SIK2: variants seen among roughly 807,000 people sequenced by gnomAD.
SIK2 encodes salt inducible kinase 2, also known as serine/threonine-protein kinase SIK2.
SIK2 carries 29 observed loss-of-function variants against 103.2 expected under a neutral mutation model. The observed-to-expected ratio is 0.28, with a 90% CI of 0.21 to 0.38. SIK2 has a LOEUF of 0.38. Ranked by LOEUF, SIK2 falls within the 10% of genes least tolerant of loss-of-function variation. The pLI, the probability that SIK2 is intolerant of heterozygous loss-of-function variation, is 1.00. For synonymous variants in SIK2, 412 were observed against 446.1 expected, an observed-to-expected ratio of 0.92 and a Z score of 0.96; for missense variants, 879 against 1,171.0, an observed-to-expected ratio of 0.75 and a Z score of 3.64.
At chr11:111,604,863 T>C (rs1941628223) in intron 1 of SIK2, among the ~76,000 whole-genome samples, 2 of 152,068 alleles carry the variant, frequency 1.3e-5, no homozygotes, top group African/African-American at 4.8e-5. Context: ...TGGGTGTGAT[T>C]GGAGATATTA....
intron 3 of SIK2, among the ~76,000 whole-genome samples, chr11:111,664,589 G>A (rs4459340): frequency 0.61 from 93,172 of 151,986 alleles, 31,482 homozygotes; most frequent in East Asian, 0.96. Flanking sequence ...GCACTGCAGC[G>A]TGGGCGACAG....
Position 111,719,090 on chromosome 11 carries a change from T to C in SIK2, c.1267-685T>C, listed in dbSNP as rs549709783. On this transcript the variant is annotated intron_variant, in intron 9 of 14. Coordinates refer to ENST00000304987, the MANE Select transcript of SIK2 (RefSeq NM_015191.3). ...ACAAAATTCAGTGCACTGGGGCTTA[T>C]TAGCCTCTGCTGGAATTTTGGGCCA... Among the ~76,000 whole-genome samples the C allele has an allele frequency of 2.0e-5, 3 of 152,234 alleles. No individual in the cohort carries two copies. The South Asian group carries it at 6.2e-4, about 32-fold the overall frequency.
chr11:111,726,520 T>C lies in SIK2; in HGVS notation c.*2391T>C. ...CCTGTGTTGTAAGCTCCTATTTGCT[T>C]ATCTTGTTTATTTCAAGCAGAAATC... is the stretch of plus-strand genomic sequence containing the variant. On this transcript the variant is annotated 3_prime_UTR_variant, in exon 15 of 15. Coordinates refer to ENST00000304987, the MANE Select transcript of SIK2 (RefSeq NM_015191.3). The C allele has an allele frequency of 6.3e-6, 1 of 158,602 alleles. No homozygotes were observed. The highest frequency in any genetic ancestry group is 1.4e-5 in the Non-Finnish European group (1 of 71,330). 9.8% of individuals were successfully genotyped at this position (158,602 alleles called of 1,614,324 possible).
Position 111,719,881 on chromosome 11 carries a change from CAGA to C in SIK2, c.1376_1378del (p.Glu459del), listed in dbSNP as rs763988704. ...ACCTCCATTGACGAAGGGCTGGAGA[CAGA>C]AGGAGAGGCCGAGGAAGACCCCGCT... On this transcript the variant is annotated inframe_deletion, in exon 10 of 15. Transcript: ENST00000304987. The C allele has an allele frequency of 1.1e-5, 17 of 1,613,992 alleles. No individual in the cohort carries two copies. Among genetic ancestry groups the C allele is most frequent in the African/African-American group, 2.7e-5 (2 of 74,882 alleles).
At chr11:111,619,454 C>T (rs1009050313) in intron 2 of SIK2, among the ~76,000 whole-genome samples, 1 of 152,046 alleles carries the variant, frequency 6.6e-6, no homozygotes, top group Non-Finnish European at 1.5e-5. Flanking sequence ...AGCAGCTCTC[C>T]CACCTCAGCC....
At chr11:111,671,810 TC>T in intron 3 of SIK2, 1 of 406,598 alleles carries the variant, frequency 2.5e-6, no homozygotes, top group East Asian at 6.5e-5. Flanking sequence ...GAAGACAAAT[TC>T]GTTTTCCTTC....
intron 3 of SIK2, among the ~76,000 whole-genome samples, chr11:111,641,164 A>G (rs1310706694): frequency 1.3e-5 from 2 of 152,046 alleles, no homozygotes; most frequent in Non-Finnish European, 2.9e-5. Context: ...TTTTAAGACC[A>G]TTGTCTATCT....
intron 3 of SIK2, among the ~76,000 whole-genome samples, chr11:111,639,680 C>G (rs549704249): frequency 3.9e-5 from 6 of 152,268 alleles, no homozygotes; most frequent in African/African-American, 1.4e-4. Context: ...CAAGAGTCTG[C>G]CCATCCTTTG....
At chr11:111,694,921 G>A (rs1943034624) in intron 4 of SIK2, among the ~76,000 whole-genome samples, 1 of 152,162 alleles carries the variant, frequency 6.6e-6, no homozygotes, top group East Asian at 1.9e-4. Flanking sequence ...TGGTCAGCAG[G>A]ATCACATTTC....
chr11:111,637,660 C>T (rs1365862692), intron 3 of SIK2, among the ~76,000 whole-genome samples: 1 of 151,938 alleles, frequency 6.6e-6, no homozygotes, highest in Non-Finnish European at 1.5e-5. Flanking sequence ...CAGGGCTTCA[C>T]CATGTTGACC....
At position 111,717,360 on chromosome 11, in the gene SIK2, C is replaced by A. The variant is rs531068285; in HGVS notation, c.1267-2415C>A. Among the ~76,000 whole-genome samples the A allele has an allele frequency of 5.5e-5, 7 of 128,376 alleles. No homozygotes were observed. The South Asian group carries it at 2.0e-3, about 37-fold the overall frequency. 84.2% of individuals were successfully genotyped at this position (128,376 alleles called of 152,430 possible). ...AAAAAAAAAGCTCAACATGACTGAT[C>A]ATTAGAGAAATGCAAATCAAAACCA... On this transcript the variant is annotated intron_variant, in intron 9 of 14. Transcript: ENST00000304987.
chr11:111,615,608 G>T lies in SIK2; in HGVS notation c.136-635G>T, dbSNP rs375780980. Among the ~76,000 whole-genome samples, 127 of 152,130 alleles carry T rather than the reference G, an allele frequency of 8.3e-4. No homozygotes were observed. In the South Asian group the frequency reaches 0.025, roughly 30 times the overall value. On this transcript the variant is annotated intron_variant, in intron 1 of 14. Transcript: ENST00000304987. ...AATTATTAACCTTGGAATTGTTTGGGCTCCTCTCTAGTTATAACAGAATGA... is the reference window on the plus strand; with the variant it reads ...AATTATTAACCTTGGAATTGTTTGGTCTCCTCTCTAGTTATAACAGAATGA...
At chr11:111,707,277 AAC>A (rs1943375271) in intron 8 of SIK2, among the ~76,000 whole-genome samples, 1 of 152,196 alleles carries the variant, frequency 6.6e-6, no homozygotes, top group Non-Finnish European at 1.5e-5. Context: ...GGGTTATATA[AAC>A]AGTTGTTCCT....
intron 1 of SIK2, among the ~76,000 whole-genome samples, chr11:111,604,681 C>T (rs1941625321): frequency 1.3e-5 from 2 of 152,290 alleles, no homozygotes; most frequent in South Asian, 2.1e-4. Context: ...TGAAAGAGGA[C>T]TTAGATCCTA....
At chr11:111,624,555 A>C (rs1399540050) in intron 3 of SIK2, among the ~76,000 whole-genome samples, 1 of 151,850 alleles carries the variant, frequency 6.6e-6, no homozygotes, top group Non-Finnish European at 1.5e-5. Flanking sequence ...TCACTTATTC[A>C]TTCATTTATT....
At chr11:111,623,778 C>G (rs1029288590) in intron 3 of SIK2, among the ~76,000 whole-genome samples, 1 of 152,218 alleles carries the variant, frequency 6.6e-6, no homozygotes, top group Admixed American at 6.5e-5. Context: ...CCAATCAGCA[C>G]TCTCCTGAGT....
In SIK2 at chr11:111,722,705, T is replaced by C. The variant is rs138259064; in HGVS notation, c.2096T>C (p.Leu699Pro). 6.2e-7 allele frequency: 1 copy of C among 1,614,052 alleles called. No individual in the cohort carries two copies. The highest frequency in any genetic ancestry group is 1.3e-5 in the African/African-American group (1 of 74,928). Residue 699 changes from leucine (L) to proline (P), a missense_variant, in exon 14 of 15, where the codon CTT becomes CCT. Coordinates refer to ENST00000304987, the MANE Select transcript of SIK2 (RefSeq NM_015191.3). The surrounding 1 kb of genome is among the most constrained non-coding windows in gnomAD (Gnocchi z 4.4). ...TCAAAGGCCCAGAACACCTGTCAGC[T>C]TTATTGCAAAGAACCACCGCGGAGC... Reference protein sequence around the residue: ...LLSKAQNTCQLYCKEPPRSLE... With the variant: ...LLSKAQNTCQPYCKEPPRSLE...
chr11:111,715,006 A>T (rs1277548670), intron 9 of SIK2, among the ~76,000 whole-genome samples: 1 of 152,260 alleles, frequency 6.6e-6, no homozygotes, highest in Non-Finnish European at 1.5e-5. Flanking sequence ...TTGGGCACTG[A>T]CTGCTGTATT....
chr11:111,650,813 T>C (rs935362012), intron 3 of SIK2, among the ~76,000 whole-genome samples: 10 of 152,174 alleles, frequency 6.6e-5, no homozygotes, highest in African/African-American at 2.4e-4. Flanking sequence ...TTGTATTCAA[T>C]AGAGCTAAAA....
Sources: gnomAD v4.1 joint callset for allele counts (sites outside exome capture counted in the v4.1 genomes callset) on GRCh38, gnomAD v4.1.1 for gene constraint, Gnocchi (gnomAD v3.1) non-coding constraint, MANE v1.5 for transcripts, NCBI Gene and HGNC (gene_info 2026-07-23, HGNC 2026-07-21) for gene names.